MYL6: variants seen among roughly 807,000 people sequenced by gnomAD.
MYL6 encodes myosin light polypeptide 6.
MYL6 carries 20 observed loss-of-function variants against 20.3 expected under a neutral mutation model. The ratio of observed to expected loss-of-function variants is 0.98; its 90% confidence interval spans 0.69 to 1.43. The LOEUF is 1.43. Among genes scored for constraint, MYL6 ranks in the 40% most tolerant of loss-of-function variants. The pLI, the probability that MYL6 is intolerant of heterozygous loss-of-function variation, is 0.00. For synonymous variants in MYL6, 77 were observed against 72.4 expected (o/e 1.06, Z -0.32); for missense variants, 164 against 191.0 (o/e 0.86, Z 0.83).
At chr12:56,161,279 T>A in intron 6 of MYL6, 108 bp from the exon 7 acceptor site, 1 of 1,374,404 alleles carries the variant, frequency 7.3e-7, no homozygotes, top group Non-Finnish European at 1.0e-6. Flanking sequence ...TTGGTTGCTG[T>A]GGGCATGTTC....
At chr12:56,160,481 G>GGTATAACAGGAAAGGAAGGGGGTA in intron 5 of MYL6, 145 bp from the exon 6 acceptor site, 1 of 1,400,510 alleles carries the variant, frequency 7.1e-7, no homozygotes, top group African/African-American at 1.4e-5. Context: ...AGGTCAGGGC[G>GGTATAACAGGAAAGGAAGGGGGTA]GTATAACAGG....
At chr12:56,159,344 G>A in intron 2 of MYL6, 1 of 485,902 alleles carries the variant, frequency 2.1e-6, no homozygotes, top group Non-Finnish European at 3.6e-6. Flanking sequence ...TGGCAGGCCT[G>A]CCGCAGGCAG....
rs1871660247 is a variant in MYL6, at chr12:56,160,256, A to G, written c.363A>G (p.Thr121=). 1.2e-6 allele frequency: 2 copies of G among 1,614,256 alleles called. No homozygotes were observed. Among genetic ancestry groups the G allele is most frequent in the Non-Finnish European group, 1.7e-6 (2 of 1,180,044 alleles). Residue 121 remains threonine (T), a synonymous_variant, in exon 5 of 7, where the codon ACA becomes ACG. Coordinates refer to ENST00000550697, the MANE Select transcript of MYL6 (RefSeq NM_021019.5). ...TTCCCCCTGCAGGTGAGAAGATGAC[A>G]GAGGAAGAAGTAGAGATGCTGGTGG... ...HVLVTLGEKM[T]EEEVEMLVAG... is the part of the protein sequence containing the mutation.
At position 56,158,634 on chromosome 12, in the gene MYL6, C is replaced by G. The variant is rs376525133; in HGVS notation, c.4-50C>G. 6.8e-6 allele frequency: 11 copies of G among 1,613,900 alleles called. No homozygotes were observed. The East Asian group carries it at 2.5e-4, about 36-fold the overall frequency. ...AGAGTTTGTGGGGCTGGGATAGAAA[C>G]TCGGGGGATTGGCGTTCAGATGCTG... is the stretch of plus-strand genomic sequence containing the variant. On this transcript the variant is annotated intron_variant, in intron 1 of 6. Coordinates refer to ENST00000550697, the MANE Select transcript of MYL6 (RefSeq NM_021019.5).
Position 56,161,423 on chromosome 12 carries a change from C to G in MYL6, c.*53C>G, listed in dbSNP as rs747312900. 2 of 1,614,142 alleles carry G rather than the reference C, an allele frequency of 1.2e-6. No individual in the cohort carries two copies. Among genetic ancestry groups the G allele is most frequent in the Non-Finnish European group, 1.7e-6 (2 of 1,179,984 alleles). ...ATGGTGCTGAATGGCTGAGGACCTT[C>G]CCAGTCTCCCCAGAGTCCGTGCCTT... On this transcript the variant is annotated 3_prime_UTR_variant, in exon 7 of 7. Coordinates refer to ENST00000550697, the MANE Select transcript of MYL6 (RefSeq NM_021019.5).
At chr12:56,159,081 C>A in intron 2 of MYL6, 1 of 507,306 alleles carries the variant, frequency 2.0e-6, no homozygotes, top group Non-Finnish European at 3.1e-6. Context: ...CCCGCCCTCC[C>A]AGCTTGCAGT....
chr12:56,159,488 G>A (rs906746897), intron 2 of MYL6, 99 bp from the exon 3 acceptor site: 70 of 1,488,752 alleles, frequency 4.7e-5, no homozygotes, highest in East Asian at 9.1e-5. Flanking sequence ...CAGATATCTC[G>A]TTTCCTCAGC....
intron 3 of MYL6, 41 bp from the exon 4 acceptor site, chr12:56,159,934 G>C: frequency 6.3e-7 from 1 of 1,582,876 alleles, no homozygotes; most frequent in Non-Finnish European, 8.6e-7. Context: ...GAGAACTTGT[G>C]TTACTTCTCT....
At position 56,160,036 on chromosome 12, in the gene MYL6, G is replaced by T; in HGVS notation, c.237G>T (p.Lys79Asn). 1 of 1,614,198 alleles carries T rather than the reference G, an allele frequency of 6.2e-7. No individual in the cohort carries two copies. The highest frequency in any genetic ancestry group is 8.5e-7 in the Non-Finnish European group (1 of 1,180,044). Residue 79 changes from lysine (K) to asparagine (N), a missense_variant, in exon 4 of 7, where the codon AAG (lysine) becomes AAT (asparagine). Transcript: ENST00000550697. ...TGCCCATGCTGCAGACAGTGGCCAA[G>T]AACAAGGACCAGGGCACCTATGAGG... Reference protein sequence around the residue: ...HFLPMLQTVAKNKDQGTYEDY... With the variant: ...HFLPMLQTVANNKDQGTYEDY...
chr12:56,159,870 G>A lies in MYL6; in HGVS notation c.176-105G>A, dbSNP rs1303768128. The A allele has an allele frequency of 2.6e-6, 4 of 1,524,044 alleles. No homozygotes were observed. In the East Asian group the frequency reaches 6.8e-5, roughly 26 times the overall value. The allele number at this position is 1,524,044 out of a possible 1,614,324, so 94.4% of individuals were successfully genotyped here. A position where few individuals can be genotyped will look rare whatever the true frequency, so the allele number is the denominator to read the frequency against. On this transcript the variant is annotated intron_variant, in intron 3 of 6. Transcript: ENST00000550697. ...CCCATGGATTTCCTTGCTTTTAGTG[G>A]GGAGTCATCTGTCATCTCTCTGTTC...
rs1230041873 is a variant in MYL6 at position 56,160,159 on chromosome 12, GTGTCCT to G, written c.349+20_349+25del. The G allele has an allele frequency of 6.2e-6, 10 of 1,613,800 alleles. No individual in the cohort carries two copies. In the Admixed American group the frequency reaches 6.7e-5, roughly 11 times the overall value. On this transcript the variant is annotated intron_variant, in intron 4 of 6. Transcript: ENST00000550697. ...TTCTTGTCACACTGGGTAAGGTTCT[GTGTCCT>G]TGTCCTTGAGCTGAGATGGCACCCT... is the stretch of plus-strand genomic sequence containing the variant.
At position 56,161,516 on chromosome 12, in the gene MYL6, C is replaced by A; in HGVS notation, c.*146C>A. The A allele has an allele frequency of 7.2e-7, 1 of 1,379,986 alleles. No homozygotes were observed. Among genetic ancestry groups the A allele is most frequent in the Non-Finnish European group, 1.0e-6 (1 of 970,578 alleles). 85.5% of individuals were successfully genotyped at this position (1,379,986 alleles called of 1,614,324 possible). On this transcript the variant is annotated 3_prime_UTR_variant, in exon 7 of 7. Coordinates refer to ENST00000550697, the MANE Select transcript of MYL6 (RefSeq NM_021019.5). The stretch of plus-strand genomic sequence containing the variant: ...TTTCTTGTCTCAGCAACTTTCCCAT[C>A]TTGTCTCTCTTGGATGATGTTTGCC...
Position 56,161,418 on chromosome 12 carries a change from A to G in MYL6, c.*48A>G. 6.2e-7 allele frequency: 1 copy of G among 1,613,968 alleles called. No individual in the cohort carries two copies. Among genetic ancestry groups the G allele is most frequent in the Non-Finnish European group, 8.5e-7 (1 of 1,179,988 alleles). ...TCCGCATGGTGCTGAATGGCTGAGG[A>G]CCTTCCCAGTCTCCCCAGAGTCCGT... On this transcript the variant is annotated 3_prime_UTR_variant, in exon 7 of 7. Coordinates refer to ENST00000550697, the MANE Select transcript of MYL6 (RefSeq NM_021019.5).
chr12:56,160,449 C>A, intron 5 of MYL6, 129 bp downstream of exon 5: 1 of 1,443,992 alleles, frequency 6.9e-7, no homozygotes, highest in Non-Finnish European at 9.7e-7. Flanking sequence ...CAGGGCCCTG[C>A]CCAGCCCAGC....
Position 56,158,704 on chromosome 12 carries a change from G to A in MYL6, c.24G>A (p.Gln8=), listed in dbSNP as rs1369367026. 11 of 1,614,008 alleles carry A rather than the reference G, an allele frequency of 6.8e-6. No homozygotes were observed. The highest frequency in any genetic ancestry group is 1.3e-5 in the African/African-American group (1 of 74,900). ...AGCAGTGTGACTTCACCGAAGACCA[G>A]ACCGCAGGTAGGTTATCTCTGATCC... MCDFTED[Q]TAEFKEAFQL... The change falls in exon 2 of 7, where the codon CAG becomes CAA. Residue 8 remains glutamine (Q), a synonymous_variant. Transcript: ENST00000550697.
At chr12:56,160,557 C>T (rs747950316) in intron 5 of MYL6, 69 bp from the exon 6 acceptor site, 17 of 1,535,406 alleles carry the variant, frequency 1.1e-5, no homozygotes, top group Non-Finnish European at 1.4e-5. Flanking sequence ...AATGTCTGTC[C>T]CCACTGCCTG....
rs1238990989 is a variant in MYL6 at position 56,159,177 on chromosome 12, A to G, written c.32-410A>G. Reference sequence around the variant, plus strand: ...TTGCTAAGGATATGACTGTAGCTATACCCTCTGGAAGTTCTCTTTATACTG... The same window carrying G: ...TTGCTAAGGATATGACTGTAGCTATGCCCTCTGGAAGTTCTCTTTATACTG... On this transcript the variant is annotated intron_variant, in intron 2 of 6. Transcript: ENST00000550697. 3 of 281,188 alleles carry G rather than the reference A, an allele frequency of 1.1e-5. No individual in the cohort carries two copies. In the South Asian group the frequency reaches 1.5e-4, roughly 14 times the overall value. The allele number at this position is 281,188 out of a possible 1,614,324, so 17.4% of individuals were successfully genotyped here. A position where few individuals can be genotyped will look rare whatever the true frequency, so the allele number is the denominator to read the frequency against.
chr12:56,160,570 C>A, intron 5 of MYL6, 56 bp from the exon 6 acceptor site: 1 of 1,587,008 alleles, frequency 6.3e-7, no homozygotes. Context: ...ACTGCCTGAC[C>A]CCTCACCCCA....
At chr12:56,158,471 C>A (rs769287948) in intron 1 of MYL6, 67 bp downstream of exon 1, 1 of 1,563,248 alleles carries the variant, frequency 6.4e-7, no homozygotes, top group East Asian at 2.2e-5. Flanking sequence ...GGGTGGGGGG[C>A]GAGGAGAAGG....
Sources: gnomAD v4.1 joint callset for allele counts on GRCh38, gnomAD v4.1.1 for gene constraint, MANE v1.5 for transcripts, NCBI Gene and HGNC (gene_info 2026-07-23, HGNC 2026-07-21) for gene names.